The following PMPCB variants were observed in gnomAD, a reference collection of about 807,000 sequenced individuals.
PMPCB encodes mitochondrial-processing peptidase subunit beta.
PMPCB carries 46 observed loss-of-function variants against 61.5 expected under a neutral mutation model. The ratio of observed to expected loss-of-function variants is 0.75; its 90% confidence interval spans 0.59 to 0.96. The LOEUF (loss-of-function observed/expected upper bound fraction) is 0.96, where lower values mean the gene tolerates loss of function less well. PMPCB is among the 40% of genes least tolerant of loss of function. PMPCB has a pLI of 0.00. For synonymous variants in PMPCB, 191 were observed against 201.6 expected, an observed-to-expected ratio of 0.95 and a Z score of 0.44; for missense variants, 590 against 602.4, an observed-to-expected ratio of 0.98 and a Z score of 0.22.
At chr7:103,316,992 A>G, downstream of PMPCB, 1 of 1,612,964 alleles carries the variant, frequency 6.2e-7, no homozygotes, top group East Asian at 2.2e-5. Context: ...CTCTTTTCTG[A>G]TTTGCTCATT....
chr7:103,321,541 AT>A (rs543145349), intron 12 of PMPCB, among the ~76,000 whole-genome samples: 1,522 of 148,742 alleles, frequency 0.01, 21 homozygotes, highest in African/African-American at 0.034. Context: ...AATAAAAATA[AT>A]TTTTTTTTTT....
downstream of PMPCB, chr7:103,316,056 T>C (rs778202569): frequency 4.9e-5 from 79 of 1,596,524 alleles, no homozygotes; most frequent in Non-Finnish European, 6.4e-5. Flanking sequence ...AGAGGAAGAA[T>C]GTATGTTCAT....
At chr7:103,315,212 C>A (rs1817981838), downstream of PMPCB, among the ~76,000 whole-genome samples, 1 of 151,272 alleles carries the variant, frequency 6.6e-6, no homozygotes, top group Admixed American at 6.6e-5. Context: ...TGGTTTTGAA[C>A]CCTAACAATT....
At position 103,298,709 on chromosome 7, in the gene PMPCB, G is replaced by GT; in HGVS notation, c.240+2dup. 6.2e-7 allele frequency: 1 copy of GT among 1,612,718 alleles called. No individual in the cohort carries two copies. Among genetic ancestry groups the GT allele is most frequent in the Non-Finnish European group, 8.5e-7 (1 of 1,179,390 alleles). ...AGACTCTGGGCTCTCAACATGCACA[G>GT]TAAGTGACTCAGGCAACCTTCTCTA... On this transcript the variant is annotated splice_donor_variant, in intron 2 of 12. Coordinates refer to ENST00000249269, the MANE Select transcript of PMPCB (RefSeq NM_004279.3). LOFTEE classifies it high-confidence loss of function.
At chr7:103,301,809 TTTA>T (rs2115635276) in intron 4 of PMPCB, among the ~76,000 whole-genome samples, 1 of 152,272 alleles carries the variant, frequency 6.6e-6, no homozygotes, top group African/African-American at 2.4e-5. Flanking sequence ...ATTTTTATTT[TTTA>T]TTATTATACT....
At chr7:103,344,293 A>C in the PMPCB span, 1 of 534,644 alleles carries the variant, frequency 1.9e-6, no homozygotes, top group Non-Finnish European at 3.3e-6. Context: ...TCCGTCCCGA[A>C]ATGCTCAGCC....
downstream of PMPCB, among the ~76,000 whole-genome samples, chr7:103,330,805 C>T (rs1280019947): frequency 6.7e-6 from 1 of 150,262 alleles, no homozygotes; most frequent in Non-Finnish European, 1.5e-5. Flanking sequence ...TGGTCTTGAA[C>T]TCCTGGGCTC....
intron 12 of PMPCB, among the ~76,000 whole-genome samples, chr7:103,323,428 G>A (rs1330047314): frequency 4.0e-5 from 6 of 151,660 alleles, no homozygotes; most frequent in Non-Finnish European, 7.4e-5. Flanking sequence ...TATTGATCTG[G>A]GCCCACCTAG....
At chr7:103,315,233 T>G (rs573107308), downstream of PMPCB, among the ~76,000 whole-genome samples, 16 of 151,842 alleles carry the variant, frequency 1.1e-4, no homozygotes, top group African/African-American at 3.4e-4. Flanking sequence ...TTTAACATTT[T>G]ATTTTGAAAT....
At chr7:103,315,879 A>G (rs755351996), downstream of PMPCB, 1 of 1,599,092 alleles carries the variant, frequency 6.3e-7, no homozygotes, top group Admixed American at 1.7e-5. Flanking sequence ...GGTCTGAGAA[A>G]TGAAAAAAAT....
rs745784155 is a variant in PMPCB at position 103,311,681 on chromosome 7, C to T, written c.1193C>T (p.Ala398Val). 1 of 1,613,998 alleles carries T rather than the reference C, an allele frequency of 6.2e-7. No individual in the cohort carries two copies. Among genetic ancestry groups the T allele is most frequent in the Admixed American group, 1.7e-5 (1 of 60,020 alleles). The part of the protein sequence containing the change: ...LCTSVTESEV[A>V]RARNLLKTNM... ...ACAAGTGTCACAGAAAGTGAGGTTG[C>T]ACGAGCCAGAAATCTTCTGAAAACA... Residue 398 changes from alanine to valine, a missense_variant, in exon 10 of 13, where the codon GCA becomes GTA. Coordinates refer to ENST00000249269, the MANE Select transcript of PMPCB (RefSeq NM_004279.3).
chr7:103,336,854 T>C, the PMPCB span: 1 of 152,366 alleles, frequency 6.6e-6, no homozygotes, highest in Admixed American at 6.5e-5. Context: ...TTTTCCTAAA[T>C]GTAAGCAGTA....
intron 12 of PMPCB, chr7:103,324,544 A>T (rs746315471): frequency 1.6e-5 from 24 of 1,485,738 alleles, no homozygotes; most frequent in East Asian, 9.7e-5. Context: ...GTTTAGGAAC[A>T]TTTTTTTTAT....
chr7:103,315,734 A>G (rs773261731), downstream of PMPCB: 4 of 1,467,544 alleles, frequency 2.7e-6, no homozygotes, highest in Non-Finnish European at 3.8e-6. Flanking sequence ...CATGGCTAGC[A>G]TTTTCTACGT....
chr7:103,305,849 C>T (rs1817561466), intron 6 of PMPCB, among the ~76,000 whole-genome samples: 1 of 152,176 alleles, frequency 6.6e-6, no homozygotes. Flanking sequence ...GTGTTTGAAA[C>T]TGCCTTGGAA....
At chr7:103,298,795 G>A (rs1254209816) in intron 2 of PMPCB, 87 bp downstream of exon 2, 5 of 1,314,452 alleles carry the variant, frequency 3.8e-6, no homozygotes, top group Non-Finnish European at 5.2e-6. Flanking sequence ...TTCGTTGGCT[G>A]GTGGTTCAAA....
chr7:103,326,460 T>G (rs1228930495), intron 12 of PMPCB: 11 of 1,338,978 alleles, frequency 8.2e-6, no homozygotes, highest in Non-Finnish European at 1.2e-5. Context: ...GAAACTATTA[T>G]CAGAGGGAAA....
Position 103,298,569 on chromosome 7 carries a change from C to T in PMPCB, c.101C>T (p.Ser34Leu). 6.2e-7 allele frequency: 1 copy of T among 1,613,622 alleles called. No individual in the cohort carries two copies. Among genetic ancestry groups the T allele is most frequent in the Non-Finnish European group, 8.5e-7 (1 of 1,179,710 alleles). ...CTTCCACTTCCTACCCCCAACCAGT[C>T]ATTATATTTTGGAGAGAACAGATTA... ...SLLIRGAAGRSLYFGENRLRS... is the reference protein window; with the variant it reads ...SLLIRGAAGRLLYFGENRLRS... Residue 34 changes from serine to leucine, a missense_variant and splice_region_variant, in exon 2 of 13, where the codon TCA becomes TTA. Ser to Leu is a moderately radical substitution (Grantham distance 145). Transcript: ENST00000249269.
intron 6 of PMPCB, among the ~76,000 whole-genome samples, chr7:103,305,623 A>G (rs1359261693): frequency 6.6e-6 from 1 of 152,112 alleles, no homozygotes; most frequent in Non-Finnish European, 1.5e-5. Context: ...TCGTGTTGTA[A>G]ATTTTTCTCT....
Sources: gnomAD v4.1 joint callset for allele counts (sites outside exome capture counted in the v4.1 genomes callset) on GRCh38, gnomAD v4.1.1 for gene constraint, MANE v1.5 for transcripts, NCBI Gene and HGNC (gene_info 2026-07-23, HGNC 2026-07-21) for gene names.